Variants in ANKS1B observed in about 807,000 individuals in gnomAD.
ANKS1B encodes the protein ankyrin repeat and sterile alpha motif domain-containing protein 1B.
A neutral mutation model predicts 148.3 loss-of-function variants in ANKS1B; 36 were observed. The observed-to-expected ratio is 0.24, with a 90% CI of 0.19 to 0.32. The LOEUF (loss-of-function observed/expected upper bound fraction) is 0.32, where lower values mean the gene tolerates loss of function less well. Among genes scored for constraint, ANKS1B ranks in the 10% least tolerant of loss-of-function variants. The pLI is 1.00. For synonymous variants in ANKS1B, 542 were observed against 560.8 expected (o/e 0.97, Z 0.47); for missense variants, 1,157 against 1,542.6 (o/e 0.75, Z 4.19).
rs187442681 is a variant in ANKS1B, at chr12:99,461,013, C to A, written c.1439-17204G>T. 2.3e-3 allele frequency among the ~76,000 whole-genome samples: 343 copies of A among 151,068 alleles called. 3 individuals carry two copies. The highest frequency in any genetic ancestry group is 8.2e-3 in the African/African-American group (336 of 40,952). ...ACCAGCCCAAATGCCCATCAATCAA[C>A]GAGTGGATAAAGAAAATGTGGTGGA... On this transcript the variant is annotated intron_variant, in intron 10 of 26. Transcript: ENST00000683438.
chr12:99,708,693 C>T (rs2056195294), intron 8 of ANKS1B, among the ~76,000 whole-genome samples: 1 of 152,134 alleles, frequency 6.6e-6, no homozygotes. Flanking sequence ...CCCTCTACCT[C>T]CCTCTTATAA....
chr12:99,651,820 A>T (rs576388753), intron 9 of ANKS1B, among the ~76,000 whole-genome samples: 2 of 152,130 alleles, frequency 1.3e-5, no homozygotes, highest in South Asian at 4.1e-4. Context: ...AAAAATTACC[A>T]TTTGTGAATG....
intron 11 of ANKS1B, among the ~76,000 whole-genome samples, chr12:99,415,690 G>A (rs887996609): frequency 6.6e-6 from 1 of 151,992 alleles, no homozygotes; most frequent in South Asian, 2.1e-4. Flanking sequence ...CCCTCCCATT[G>A]CCCTTTTTTT....
chr12:98,971,548 A>T (rs554311811), intron 17 of ANKS1B, among the ~76,000 whole-genome samples: 39 of 152,264 alleles, frequency 2.6e-4, no homozygotes, highest in African/African-American at 9.4e-4. Context: ...GACTAAGGGG[A>T]TTCTTTGGAA....
At chr12:99,980,986 C>T (rs558386705) in intron 1 of ANKS1B, among the ~76,000 whole-genome samples, 83 of 152,092 alleles carry the variant, frequency 5.5e-4, no homozygotes, top group African/African-American at 1.9e-3. Flanking sequence ...AAAATTTCCG[C>T]ACTAGGTGAG....
chr12:98,966,660 C>T (rs2099878142), intron 17 of ANKS1B, among the ~76,000 whole-genome samples: 1 of 152,138 alleles, frequency 6.6e-6, no homozygotes, highest in Non-Finnish European at 1.5e-5. Context: ...AAATGTCCAA[C>T]AATGATAGAT....
chr12:99,933,769 T>C (rs1251680690), intron 1 of ANKS1B, among the ~76,000 whole-genome samples: 2 of 152,116 alleles, frequency 1.3e-5, no homozygotes, highest in Non-Finnish European at 2.9e-5. Flanking sequence ...GGACTTGCAG[T>C]ACCATGTTGA....
chr12:99,385,627 G>A (rs1322156293), intron 12 of ANKS1B, among the ~76,000 whole-genome samples: 1 of 152,128 alleles, frequency 6.6e-6, no homozygotes, highest in African/African-American at 2.4e-5. Flanking sequence ...CATGTTGTTA[G>A]TAGCAAACTA....
intron 9 of ANKS1B, among the ~76,000 whole-genome samples, chr12:99,561,919 G>T (rs2097340407): frequency 6.6e-6 from 1 of 152,080 alleles, no homozygotes; most frequent in Non-Finnish European, 1.5e-5. Flanking sequence ...ACCTTTCCCA[G>T]ATCCATCAAA....
In ANKS1B at chr12:99,482,339, T is replaced by G. The variant is rs12581212; in HGVS notation, c.1438+22137A>C. On this transcript the variant is annotated intron_variant, in intron 10 of 26. Transcript: ENST00000683438. ...GCTTTGTCAAAATCACTTGGCTGTA[T>G]GTATTTGGCTTTATTTCTGGGTTCT... is the stretch of plus-strand genomic sequence containing the variant. Among the ~76,000 whole-genome samples the G allele has an allele frequency of 7.9e-3, 1,199 of 151,794 alleles. 12 individuals are homozygous for G. The highest frequency in any genetic ancestry group is 0.027 in the African/African-American group (1,115 of 41,510).
intron 14 of ANKS1B, among the ~76,000 whole-genome samples, chr12:99,243,816 C>A (rs1393964268): frequency 2.0e-5 from 3 of 151,660 alleles, no homozygotes; most frequent in Non-Finnish European, 4.4e-5. Context: ...CATAAGTGAA[C>A]AATGAGAACA....
chr12:99,828,153 T>A (rs186587306), intron 1 of ANKS1B, among the ~76,000 whole-genome samples: 5 of 152,232 alleles, frequency 3.3e-5, no homozygotes, highest in African/African-American at 4.8e-5. Context: ...TGGTTGAAAA[T>A]CTAAATCAAT....
At chr12:98,973,210 A>G (rs2099884967) in intron 17 of ANKS1B, among the ~76,000 whole-genome samples, 3 of 128,472 alleles carry the variant, frequency 2.3e-5, no homozygotes. Context: ...ACTAAACGAA[A>G]TGCAAAAAAA....
At chr12:98,914,836 A>G (rs4762525) in intron 17 of ANKS1B, among the ~76,000 whole-genome samples, 27,467 of 151,894 alleles carry the variant, frequency 0.18, 3,001 homozygotes, top group Non-Finnish European at 0.24. Flanking sequence ...TGACCACTCT[A>G]TTTGAAATAG....
chr12:98,845,699 G>C (rs1282420247), intron 17 of ANKS1B, among the ~76,000 whole-genome samples: 2 of 151,406 alleles, frequency 1.3e-5, no homozygotes, highest in Non-Finnish European at 2.9e-5. Flanking sequence ...CTGTCAGTCA[G>C]TAATGATTCC....
At chr12:99,738,736 G>A (rs566822601) in intron 8 of ANKS1B, among the ~76,000 whole-genome samples, 29 of 152,264 alleles carry the variant, frequency 1.9e-4, no homozygotes, top group Non-Finnish European at 3.2e-4. Flanking sequence ...TTTATTGAAG[G>A]AAGGATTGGC....
intron 24 of ANKS1B, 121 bp downstream of exon 24, chr12:98,780,996 A>G: frequency 1.6e-6 from 1 of 626,144 alleles, no homozygotes; most frequent in East Asian, 2.8e-5. Flanking sequence ...GGAAGCATGA[A>G]GGTTGGGGGA....
At chr12:98,932,568 A>G (rs1440298721) in intron 17 of ANKS1B, among the ~76,000 whole-genome samples, 3 of 152,188 alleles carry the variant, frequency 2.0e-5, no homozygotes, top group African/African-American at 4.8e-5. Flanking sequence ...AATCTTACAA[A>G]GGGTTAGAAA....
chr12:99,179,942 A>C (rs2078921384), intron 14 of ANKS1B, among the ~76,000 whole-genome samples: 1 of 152,220 alleles, frequency 6.6e-6, no homozygotes, highest in Non-Finnish European at 1.5e-5. Flanking sequence ...AACTGCATTT[A>C]TAATAAACCC....
Sources: gnomAD v4.1 joint callset for allele counts (sites outside exome capture counted in the v4.1 genomes callset) on GRCh38, gnomAD v4.1.1 for gene constraint, MANE v1.5 for transcripts, NCBI Gene and HGNC (gene_info 2026-07-23, HGNC 2026-07-21) for gene names.